TRAK1: variants seen among roughly 807,000 people sequenced by gnomAD.
TRAK1 encodes the protein trafficking kinesin protein 1.
A neutral mutation model predicts 92.1 loss-of-function variants in TRAK1; 33 were observed. The observed-to-expected ratio is 0.36, with a 90% CI of 0.27 to 0.48. The LOEUF is 0.48. TRAK1 is among the 20% of genes least tolerant of loss of function. TRAK1 has a pLI of 0.99. For missense variants in TRAK1, 1,123 were observed against 1,257.9 expected, an observed-to-expected ratio of 0.89 and a Z score of 1.62; for synonymous variants, 521 against 517.3, an observed-to-expected ratio of 1.01 and a Z score of -0.10.
chr3:42,054,544 A>G (rs1283879898), intron 1 of TRAK1, among the ~76,000 whole-genome samples: 1 of 152,194 alleles, frequency 6.6e-6, no homozygotes, highest in Non-Finnish European at 1.5e-5. Flanking sequence ...CAAGGACTTC[A>G]CATTTCTACC....
chr3:42,105,613 G>A (rs918106553), intron 1 of TRAK1, among the ~76,000 whole-genome samples: 4 of 152,210 alleles, frequency 2.6e-5, no homozygotes, highest in Non-Finnish European at 5.9e-5. Flanking sequence ...TTATCCAGGA[G>A]AACTTCCCCA....
At chr3:42,016,284 G>A (rs1245948907) in intron 1 of TRAK1, among the ~76,000 whole-genome samples, 4 of 151,774 alleles carry the variant, frequency 2.6e-5, no homozygotes, top group Non-Finnish European at 5.9e-5. Context: ...GGCTCACTGC[G>A]GCCTCCACCT....
At chr3:42,151,623 A>T (rs559294989) in intron 2 of TRAK1, among the ~76,000 whole-genome samples, 1 of 152,362 alleles carries the variant, frequency 6.6e-6, no homozygotes, top group Non-Finnish European at 1.5e-5. Context: ...ATAAAGGAAC[A>T]GAAGTCCAGA....
chr3:42,080,939 A>C (rs181054491), intron 1 of TRAK1, among the ~76,000 whole-genome samples: 57 of 152,234 alleles, frequency 3.7e-4, no homozygotes, highest in African/African-American at 1.2e-3. Context: ...GAGTGGCACA[A>C]TCATGGCTCT....
At chr3:42,040,484 A>G (rs551432468) in intron 1 of TRAK1, among the ~76,000 whole-genome samples, 22 of 152,152 alleles carry the variant, frequency 1.4e-4, no homozygotes, top group Non-Finnish European at 2.9e-4. Context: ...TGTGAGGTGA[A>G]GGTACAACTT....
chr3:42,064,168 C>T (rs1397401859), intron 1 of TRAK1, among the ~76,000 whole-genome samples: 4 of 152,066 alleles, frequency 2.6e-5, no homozygotes, highest in Admixed American at 6.5e-5. Context: ...CACAAAAATG[C>T]GAATGCTCGC....
intron 14 of TRAK1, chr3:42,218,322 T>C (rs1420344629): frequency 5.1e-6 from 5 of 985,318 alleles, no homozygotes; most frequent in Non-Finnish European, 6.0e-6. Flanking sequence ...CATAAGGAGC[T>C]AGAAGATTCT....
intron 1 of TRAK1, among the ~76,000 whole-genome samples, chr3:42,116,585 G>A (rs955158395): frequency 6.6e-6 from 1 of 152,200 alleles, no homozygotes; most frequent in African/African-American, 2.4e-5. Flanking sequence ...TGTACAGAAT[G>A]GTTTCCAAGT....
At chr3:42,038,500 T>C (rs533914367) in intron 1 of TRAK1, among the ~76,000 whole-genome samples, 3 of 152,262 alleles carry the variant, frequency 2.0e-5, no homozygotes, top group African/African-American at 7.2e-5. Flanking sequence ...AAATTTTTTG[T>C]AGCGGCCAGG....
intron 1 of TRAK1, among the ~76,000 whole-genome samples, chr3:42,106,807 A>G (rs7651006): frequency 0.56 from 85,850 of 151,968 alleles, 24,619 homozygotes; most frequent in South Asian, 0.68. Flanking sequence ...TGAGTTTGAA[A>G]TCTTTTAATA....
At position 42,201,002 on chromosome 3, in the gene TRAK1, C is replaced by G; in HGVS notation, c.1375C>G (p.Leu459Val). Residue 459 changes from leucine to valine, a missense_variant, in exon 12 of 16, where the codon CTC becomes GTC. Leu to Val is a conservative substitution (Grantham distance 32). Around this residue, in one of 3 missense-constraint regions of TRAK1, gnomAD observed 686 missense variants for 747.6 expected, o/e 0.92. Coordinates refer to ENST00000327628, the MANE Select transcript of TRAK1 (RefSeq NM_001042646.3). The stretch of plus-strand genomic sequence containing the variant: ...CGGCAGCGACATAGGCAACGTCGTC[C>G]TCGACAACAAGACCAACAGCATCAT... ...FYGSDIGNVV[L>V]DNKTNSIILE... 6.2e-7 allele frequency: 1 copy of G among 1,614,192 alleles called. No individual in the cohort carries two copies. Among genetic ancestry groups the G allele is most frequent in the Non-Finnish European group, 8.5e-7 (1 of 1,180,034 alleles).
At chr3:42,097,145 A>G (rs539288104) in intron 1 of TRAK1, among the ~76,000 whole-genome samples, 17 of 152,308 alleles carry the variant, frequency 1.1e-4, no homozygotes, top group African/African-American at 3.6e-4. Context: ...TCCACTTAGC[A>G]TACATCCATC....
At chr3:42,024,024 G>T (rs1701828727) in intron 1 of TRAK1, among the ~76,000 whole-genome samples, 1 of 152,066 alleles carries the variant, frequency 6.6e-6, no homozygotes, top group Non-Finnish European at 1.5e-5. Flanking sequence ...CAAAGTGCTG[G>T]GATTACAGGC....
Position 42,202,757 on chromosome 3 carries a change from T to C in TRAK1, c.1744+5T>C. ...AGATCGTGAAGCCGCTGGAAGGTGA[T>C]CACGCGGGGCCTCGGCCCCTCTCTG... is the stretch of plus-strand genomic sequence containing the variant. On this transcript the variant is annotated splice_donor_5th_base_variant and intron_variant, in intron 13 of 15. Coordinates refer to ENST00000327628, the MANE Select transcript of TRAK1 (RefSeq NM_001042646.3). This position sits in a 1 kb window ranked among gnomAD's most constrained non-coding sequence, Gnocchi z 6.1. 1 of 1,613,630 alleles carries C rather than the reference T, an allele frequency of 6.2e-7. No homozygotes were observed. Among genetic ancestry groups the C allele is most frequent in the Non-Finnish European group, 8.5e-7 (1 of 1,179,672 alleles).
chr3:42,040,050 T>G (rs1489838554), intron 1 of TRAK1, among the ~76,000 whole-genome samples: 1 of 152,150 alleles, frequency 6.6e-6, no homozygotes, highest in Admixed American at 6.5e-5. Flanking sequence ...TTGCCTATTT[T>G]TTTTTTAAAT....
At chr3:42,071,006 G>C (rs925198063) in intron 1 of TRAK1, among the ~76,000 whole-genome samples, 1 of 152,196 alleles carries the variant, frequency 6.6e-6, no homozygotes, top group Non-Finnish European at 1.5e-5. Context: ...TTGGTGACTT[G>C]AGGAGGGTGA....
chr3:42,128,365 A>G (rs2149155343), intron 2 of TRAK1, among the ~76,000 whole-genome samples: 1 of 152,366 alleles, frequency 6.6e-6, no homozygotes, highest in Middle Eastern at 3.4e-3. Flanking sequence ...AGATTCTGAA[A>G]GTTCTTAGAG....
intron 1 of TRAK1, among the ~76,000 whole-genome samples, chr3:42,121,718 A>G (rs1440495639): frequency 2.0e-5 from 3 of 152,228 alleles, no homozygotes; most frequent in Non-Finnish European, 2.9e-5. Flanking sequence ...GGCCATCTCC[A>G]TAATCCTATC....
intron 1 of TRAK1, among the ~76,000 whole-genome samples, chr3:42,110,540 A>G (rs1708248170): frequency 6.6e-6 from 1 of 152,116 alleles, no homozygotes; most frequent in African/African-American, 2.4e-5. Flanking sequence ...GAGGGTTGTA[A>G]ACATTCACAC....
Sources: allele counts gnomAD v4.1 joint callset (sites outside exome capture counted in the v4.1 genomes callset), GRCh38; gene constraint gnomAD v4.1.1; regional missense constraint gnomAD v4.1.1; non-coding constraint Gnocchi (gnomAD v3.1); transcripts MANE v1.5; gene names NCBI Gene and HGNC (gene_info 2026-07-23, HGNC 2026-07-21).